ANXA3: variants seen among roughly 807,000 people sequenced by gnomAD.
ANXA3 encodes annexin A3, also known as 35-alpha calcimedin.
In ANXA3, 46 loss-of-function variants were observed where a neutral mutation model predicts 48.8. The observed-to-expected ratio is 0.94, with a 90% CI of 0.74 to 1.21. The LOEUF (loss-of-function observed/expected upper bound fraction) is 1.21. ANXA3 is among the 50% of genes most tolerant of loss of function. ANXA3 has a pLI of 0.00. For synonymous variants in ANXA3, 128 were observed against 134.7 expected (o/e 0.95, Z 0.35); for missense variants, 383 against 378.6 (o/e 1.01, Z -0.10).
intron 2 of ANXA3, among the ~76,000 whole-genome samples, chr4:78,564,498 C>G (rs1722690331): frequency 3.9e-5 from 6 of 152,202 alleles, no homozygotes; most frequent in Admixed American, 3.9e-4. Context: ...AAGCCCCTAT[C>G]TGGGGACTGA....
intron 8 of ANXA3, 36 bp downstream of exon 8, chr4:78,595,473 A>T: frequency 6.2e-7 from 1 of 1,606,564 alleles, no homozygotes; most frequent in East Asian, 2.2e-5. Context: ...TCCTTTACCT[A>T]TTCTCCTATG....
chr4:78,589,630 C>T (rs1239883487), intron 6 of ANXA3, among the ~76,000 whole-genome samples: 1 of 152,154 alleles, frequency 6.6e-6, no homozygotes, highest in East Asian at 1.9e-4. Flanking sequence ...AATATTTGTG[C>T]ATAGCTTTTG....
chr4:78,579,708 C>T (rs1723034619), intron 4 of ANXA3, among the ~76,000 whole-genome samples: 1 of 152,116 alleles, frequency 6.6e-6, no homozygotes, highest in Non-Finnish European at 1.5e-5. Flanking sequence ...GCGGGTGGAT[C>T]ACCTGAGATC....
chr4:78,601,103 G>A (rs1315499285), intron 10 of ANXA3, among the ~76,000 whole-genome samples: 1 of 152,118 alleles, frequency 6.6e-6, no homozygotes, highest in East Asian at 1.9e-4. Context: ...TGAGTTATTT[G>A]GAGCAACATC....
At chr4:78,608,435 T>A (rs1341379023) in intron 12 of ANXA3, among the ~76,000 whole-genome samples, 1 of 152,066 alleles carries the variant, frequency 6.6e-6, no homozygotes, top group Non-Finnish European at 1.5e-5. Context: ...TTTTTGGCAA[T>A]GTTTAAGGAA....
Position 78,610,298 on chromosome 4 carries a change from A to C in ANXA3, c.*183A>C, listed in dbSNP as rs1463183062. On this transcript the variant is annotated 3_prime_UTR_variant, in exon 13 of 13. Transcript: ENST00000264908. Reference sequence around the variant, plus strand: ...ATTATTTTAGAGCATCTCATTTATAATGTAGCAGCTCATAAATGAAATTGA... The same window carrying C: ...ATTATTTTAGAGCATCTCATTTATACTGTAGCAGCTCATAAATGAAATTGA... 1 of 420,202 alleles carries C rather than the reference A, an allele frequency of 2.4e-6. No individual in the cohort carries two copies. Among genetic ancestry groups the C allele is most frequent in the Non-Finnish European group, 4.3e-6 (1 of 235,100 alleles). The allele number at this position is 420,202 out of a possible 1,614,324, so 26.0% of individuals were successfully genotyped here.
chr4:78,584,774 G>T (rs1168571486), intron 5 of ANXA3, among the ~76,000 whole-genome samples: 1 of 152,216 alleles, frequency 6.6e-6, no homozygotes, highest in Non-Finnish European at 1.5e-5. Context: ...TGATGTACAG[G>T]AGATTTATTT....
intron 7 of ANXA3, among the ~76,000 whole-genome samples, chr4:78,593,436 A>C (rs1462516956): frequency 6.6e-6 from 1 of 151,630 alleles, no homozygotes; most frequent in African/African-American, 2.4e-5. Flanking sequence ...TCCTGACCTC[A>C]ATCAATCCAC....
At chr4:78,555,912 C>T (rs773121551) in intron 2 of ANXA3, among the ~76,000 whole-genome samples, 1 of 148,736 alleles carries the variant, frequency 6.7e-6, no homozygotes, top group Non-Finnish European at 1.5e-5. Flanking sequence ...TGATGAGAAA[C>T]ACTTTTCTAC....
chr4:78,557,649 G>T (rs1722544650), intron 2 of ANXA3, among the ~76,000 whole-genome samples: 1 of 151,750 alleles, frequency 6.6e-6, no homozygotes, highest in South Asian at 2.1e-4. Context: ...GGAGAAAGAG[G>T]CCCTAGCCAA....
At chr4:78,607,675 G>A (rs1446139648) in intron 12 of ANXA3, among the ~76,000 whole-genome samples, 3 of 152,154 alleles carry the variant, frequency 2.0e-5, no homozygotes, top group African/African-American at 7.2e-5. Context: ...AGGTAGGTAT[G>A]AAGAAACAAT....
intron 12 of ANXA3, among the ~76,000 whole-genome samples, chr4:78,605,565 A>AT (rs1270662192): frequency 1.3e-5 from 2 of 152,030 alleles, no homozygotes; most frequent in Non-Finnish European, 2.9e-5. Flanking sequence ...GGCCAAAAGT[A>AT]TTTTTTTCCA....
intron 8 of ANXA3, 82 bp downstream of exon 8, chr4:78,595,519 A>C: frequency 7.1e-7 from 1 of 1,415,544 alleles, no homozygotes; most frequent in Non-Finnish European, 9.8e-7. Flanking sequence ...AGGGAGAAAA[A>C]TAGCAGCAAC....
At position 78,597,347 on chromosome 4, in the gene ANXA3, A is replaced by G. The variant is rs992020777; in HGVS notation, c.663A>G (p.Gln221=). 1.2e-6 allele frequency: 2 copies of G among 1,610,758 alleles called. No individual in the cohort carries two copies. The highest frequency in any genetic ancestry group is 2.7e-5 in the African/African-American group (2 of 74,768). ...LTFDEYRNIS[Q]KDIVDSIKGE... ...TTGATGAATACAGAAATATCAGCCA[A>G]AAGGACATTGTGGACAGCATAAAAG... The change falls in exon 10 of 13, where the codon CAA becomes CAG. Residue 221 remains glutamine (Q), a synonymous_variant. Transcript: ENST00000264908.
At chr4:78,565,277 T>G (rs537812900) in intron 2 of ANXA3, among the ~76,000 whole-genome samples, 3 of 152,296 alleles carry the variant, frequency 2.0e-5, no homozygotes, top group South Asian at 4.1e-4. Flanking sequence ...TCACCCCACC[T>G]GGCCCGACTT....
intron 3 of ANXA3, among the ~76,000 whole-genome samples, 172 bp from the exon 4 acceptor site, chr4:78,578,855 A>C (rs948462022): frequency 3.9e-5 from 5 of 128,592 alleles, no homozygotes; most frequent in African/African-American, 2.3e-4. Flanking sequence ...GGCAAACAAA[A>C]TAAATAAATA....
rs541187043 is a variant in ANXA3, at chr4:78,558,510, G to A, written c.15+4022G>A. 5.3e-5 allele frequency among the ~76,000 whole-genome samples: 8 copies of A among 152,226 alleles called. No homozygotes were observed. In the South Asian group the frequency reaches 8.3e-4, roughly 16 times the overall value. ...ATTGCATTTCTACAAAACTGTATAC[G>A]TGATTATGTGTATGATTAGTTTATT... On this transcript the variant is annotated intron_variant, in intron 2 of 12. Transcript: ENST00000264908.
At chr4:78,583,613 G>GAA (rs531781049) in intron 5 of ANXA3, among the ~76,000 whole-genome samples, 11 of 112,250 alleles carry the variant, frequency 9.8e-5, no homozygotes, top group Admixed American at 2.9e-4. Context: ...TGCTGTCTCA[G>GAA]AAAAAAAAAA....
chr4:78,582,109 C>T, intron 4 of ANXA3, 68 bp from the exon 5 acceptor site: 2 of 960,796 alleles, frequency 2.1e-6, no homozygotes, highest in Non-Finnish European at 3.3e-6. Flanking sequence ...GTTCATCTTT[C>T]ACTAGGTGAC....
Sources: allele counts gnomAD v4.1 joint callset (sites outside exome capture counted in the v4.1 genomes callset), GRCh38; gene constraint gnomAD v4.1.1; transcripts MANE v1.5; gene names NCBI Gene and HGNC (gene_info 2026-07-23, HGNC 2026-07-21).